Variants in ITGA8 observed in about 807,000 individuals in gnomAD.
The protein encoded by ITGA8 is integrin subunit alpha 8.
ITGA8 carries 91 observed loss-of-function variants against 142.3 expected under a neutral mutation model. The observed-to-expected ratio is 0.64, with a 90% CI of 0.54 to 0.76. ITGA8 has a LOEUF of 0.76. ITGA8 is among the 30% of genes least tolerant of loss of function. The pLI, the probability that ITGA8 is intolerant of heterozygous loss-of-function variation, is 0.00. For synonymous variants in ITGA8, 505 were observed against 485.2 expected (o/e 1.04, Z -0.54); for missense variants, 1,406 against 1,327.7 (o/e 1.06, Z -0.92).
chr10:15,679,393 G>T (rs1409299734), intron 4 of ITGA8, among the ~76,000 whole-genome samples: 1 of 152,068 alleles, frequency 6.6e-6, no homozygotes, highest in Admixed American at 6.6e-5. Flanking sequence ...GACCATCCTG[G>T]CCAACATGGT....
intron 24 of ITGA8, 72 bp downstream of exon 24, chr10:15,575,417 G>T: frequency 1.9e-6 from 2 of 1,026,676 alleles, no homozygotes; most frequent in Non-Finnish European, 3.1e-6. Flanking sequence ...TGATAATAAT[G>T]CTACATAGAA....
intron 25 of ITGA8, among the ~76,000 whole-genome samples, chr10:15,570,085 A>G (rs1207817691): frequency 6.6e-6 from 1 of 152,248 alleles, no homozygotes; most frequent in African/African-American, 2.4e-5. Context: ...AGGTGACAGT[A>G]CTTTGAGAAC....
In ITGA8 at chr10:15,586,606, C is replaced by T. The variant is rs1832837372; in HGVS notation, c.2350G>A (p.Val784Ile). The change falls in exon 23 of 30, where the codon GTA (valine) becomes ATA (isoleucine). Residue 784 changes from valine (V) to isoleucine (I), a missense_variant. Transcript: ENST00000378076. ...TACCCTCTTATTTCCACCTGCGCTA[C>T]AGCAGTGATGTTGATTTGCAGGCTC... The part of the protein sequence containing the change: ...FVSLQINITA[V>I]AQVEIRGVSH... The T allele has an allele frequency of 6.2e-7, 1 of 1,611,724 alleles. No individual in the cohort carries two copies. The highest frequency in any genetic ancestry group is 8.5e-7 in the Non-Finnish European group (1 of 1,178,078).
At position 15,707,478 on chromosome 10, in the gene ITGA8, C is replaced by G. The variant is rs145736857; in HGVS notation, c.343+11288G>C. 2.5e-3 allele frequency among the ~76,000 whole-genome samples: 378 copies of G among 152,208 alleles called. 2 individuals carry two copies. Among genetic ancestry groups the G allele is most frequent in the African/African-American group, 8.6e-3 (359 of 41,516 alleles). ...CAGAAGGAATGCAGCTCTGCCAACA[C>G]CTTGATGCTAGCCCAGGGAGACCCA... is the stretch of plus-strand genomic sequence containing the variant. On this transcript the variant is annotated intron_variant, in intron 2 of 29. Transcript: ENST00000378076.
intron 10 of ITGA8, 63 bp downstream of exon 10, chr10:15,658,936 G>T: frequency 9.4e-7 from 1 of 1,067,244 alleles, no homozygotes; most frequent in South Asian, 1.4e-5. Context: ...TAACTGATAT[G>T]AATATTATAG....
chr10:15,553,153 A>G (rs987602222), intron 26 of ITGA8, among the ~76,000 whole-genome samples: 5 of 152,144 alleles, frequency 3.3e-5, no homozygotes, highest in African/African-American at 1.2e-4. Flanking sequence ...GCTACTCAGG[A>G]GACTGAGGTG....
At chr10:15,577,555 C>G (rs904415721) in intron 23 of ITGA8, among the ~76,000 whole-genome samples, 2 of 152,030 alleles carry the variant, frequency 1.3e-5, no homozygotes, top group Admixed American at 1.3e-4. Context: ...TATAATCTAT[C>G]AAAACATCAT....
At chr10:15,656,971 G>A (rs1036669246) in intron 10 of ITGA8, among the ~76,000 whole-genome samples, 1 of 152,194 alleles carries the variant, frequency 6.6e-6, no homozygotes, top group African/African-American at 2.4e-5. Context: ...GCTCTTTGCA[G>A]AGAAAATGAA....
At chr10:15,701,439 C>G (rs538758003) in intron 2 of ITGA8, among the ~76,000 whole-genome samples, 28 of 152,042 alleles carry the variant, frequency 1.8e-4, no homozygotes, top group Admixed American at 3.3e-4. Flanking sequence ...ACTCATCCTC[C>G]ATTTCTGGCC....
chr10:15,670,600 A>G (rs1284983486), intron 8 of ITGA8, among the ~76,000 whole-genome samples: 2 of 152,252 alleles, frequency 1.3e-5, no homozygotes, highest in Admixed American at 6.5e-5. Flanking sequence ...GGTAGACATG[A>G]AGAGAAAAGT....
intron 15 of ITGA8, among the ~76,000 whole-genome samples, chr10:15,609,276 G>A (rs1313919300): frequency 6.6e-6 from 1 of 152,124 alleles, no homozygotes; most frequent in Non-Finnish European, 1.5e-5. Context: ...TTCTAGGAAA[G>A]TGAAAATATA....
intron 12 of ITGA8, 84 bp from the exon 13 acceptor site, chr10:15,644,305 T>C: frequency 1.5e-6 from 2 of 1,302,744 alleles, no homozygotes; most frequent in South Asian, 1.4e-5. Flanking sequence ...CCTTACTCTG[T>C]CACCCAAGCT....
At chr10:15,604,169 A>G (rs1370665989) in intron 20 of ITGA8, 39 bp downstream of exon 20, 13 of 1,577,396 alleles carry the variant, frequency 8.2e-6, no homozygotes, top group Non-Finnish European at 1.1e-5. Flanking sequence ...CTTCAAAAAT[A>G]TACCTAGCTC....
intron 3 of ITGA8, among the ~76,000 whole-genome samples, chr10:15,687,417 C>T (rs1834851515): frequency 6.6e-6 from 1 of 152,052 alleles, no homozygotes; most frequent in Non-Finnish European, 1.5e-5. Flanking sequence ...AGTCATAGCA[C>T]TTTGAAGCTG....
At chr10:15,547,737 C>A (rs1242597728) in intron 27 of ITGA8, among the ~76,000 whole-genome samples, 1 of 152,176 alleles carries the variant, frequency 6.6e-6, no homozygotes, top group East Asian at 1.9e-4. Flanking sequence ...GCTGCAGGAC[C>A]ACTTGACAAG....
chr10:15,674,213 T>C (rs1486081273), intron 6 of ITGA8, among the ~76,000 whole-genome samples: 1 of 152,232 alleles, frequency 6.6e-6, no homozygotes, highest in Admixed American at 6.5e-5. Flanking sequence ...CTGTAGAATT[T>C]GCCAGTTGTC....
chr10:15,578,780 C>T (rs1356353840), intron 23 of ITGA8, among the ~76,000 whole-genome samples: 2 of 152,088 alleles, frequency 1.3e-5, no homozygotes, highest in Non-Finnish European at 2.9e-5. Flanking sequence ...TTTACAAAAT[C>T]TGCAATCTTA....
intron 10 of ITGA8, among the ~76,000 whole-genome samples, chr10:15,655,963 A>G (rs1258302941): frequency 6.6e-6 from 1 of 152,144 alleles, no homozygotes; most frequent in Non-Finnish European, 1.5e-5. Flanking sequence ...TGGCACGTGT[A>G]GTCCCAGCTA....
At position 15,606,375 on chromosome 10, in the gene ITGA8, C is replaced by A; in HGVS notation, c.1812G>T (p.Leu604Phe). 1 of 1,610,634 alleles carries A rather than the reference C, an allele frequency of 6.2e-7. No homozygotes were observed. The highest frequency in any genetic ancestry group is 1.1e-5 in the South Asian group (1 of 90,808). ...AGGTGGATTCGTCCAAACTGTAATT[C>A]AAACTAATGTTGATTGGAGATAATT... ...RDKLSPINISLNYSLDESTFK... is the reference protein window; with the variant it reads ...RDKLSPINISFNYSLDESTFK... Residue 604 changes from leucine to phenylalanine, a missense_variant, in exon 18 of 30, where the codon TTG (leucine) becomes TTT (phenylalanine). By Grantham distance (22) the Leu-to-Phe change is conservative (BLOSUM62 0). Transcript: ENST00000378076.
Sources: allele counts gnomAD v4.1 joint callset (sites outside exome capture counted in the v4.1 genomes callset), GRCh38; gene constraint gnomAD v4.1.1; transcripts MANE v1.5; gene names NCBI Gene and HGNC (gene_info 2026-07-23, HGNC 2026-07-21).